FREM2: variants seen among roughly 807,000 people sequenced by gnomAD.
FREM2 encodes FRAS1 related extracellular matrix 2.
FREM2 carries 119 observed loss-of-function variants against 219.9 expected under a neutral mutation model. That is an observed-to-expected ratio of 0.54 (90% CI 0.47 to 0.63). FREM2 has a LOEUF of 0.63. Ranked by LOEUF, FREM2 falls within the 30% of genes least tolerant of loss-of-function variation. The pLI is 0.00. For synonymous variants in FREM2, 1,562 were observed against 1,522.8 expected, an observed-to-expected ratio of 1.03 and a Z score of -0.60; for missense variants, 4,030 against 3,993.6, an observed-to-expected ratio of 1.01 and a Z score of -0.25.
intron 4 of FREM2, among the ~76,000 whole-genome samples, chr13:38,778,500 C>T (rs756742380): frequency 6.6e-6 from 1 of 152,204 alleles, no homozygotes; most frequent in East Asian, 1.9e-4. Context: ...CTCCCAAAGG[C>T]TGCATCTCCT....
chr13:38,857,847 A>G, intron 12 of FREM2, 28 bp from the exon 13 acceptor site: 1 of 1,593,948 alleles, frequency 6.3e-7, no homozygotes, highest in South Asian at 1.1e-5. Flanking sequence ...TATTTCACTA[A>G]TCAGTGATAA....
chr13:38,769,583 G>C lies in FREM2; in HGVS notation c.5416G>C (p.Gly1806Arg). The stretch of plus-strand genomic sequence containing the variant: ...GATATTATGTTTTTGTGAAGGTATT[G>C]GCACAAGAGACAGAACTGCAGAAAA... ...YLGETSFISI[G>R]TRDRTAEKDK... is the part of the protein sequence containing the mutation. Residue 1806 changes from glycine to arginine, a missense_variant, in exon 4 of 24, where the codon GGC becomes CGC. Physicochemically the swap from Gly to Arg is moderately radical, Grantham distance 125. Coordinates refer to ENST00000280481, the MANE Select transcript of FREM2 (RefSeq NM_207361.6). 6.2e-7 allele frequency: 1 copy of C among 1,612,494 alleles called. No individual in the cohort carries two copies. Among genetic ancestry groups the C allele is most frequent in the Non-Finnish European group, 8.5e-7 (1 of 1,178,584 alleles).
chr13:38,796,203 C>T (rs1300344311), intron 6 of FREM2, among the ~76,000 whole-genome samples: 2 of 152,106 alleles, frequency 1.3e-5, no homozygotes, highest in African/African-American at 4.8e-5. Flanking sequence ...ACTGTTGGAG[C>T]TGGATATAGG....
intron 2 of FREM2, among the ~76,000 whole-genome samples, chr13:38,749,688 C>T (rs1016838329): frequency 3.9e-5 from 6 of 152,012 alleles, no homozygotes; most frequent in African/African-American, 1.4e-4. Flanking sequence ...CCCTTCACCC[C>T]CTCCCCAACT....
chr13:38,772,616 A>G (rs1056246058), intron 4 of FREM2, among the ~76,000 whole-genome samples: 1 of 152,096 alleles, frequency 6.6e-6, no homozygotes, highest in African/African-American at 2.4e-5. Flanking sequence ...TGTTTACAGG[A>G]GGCTTTCAAT....
intron 7 of FREM2, 88 bp downstream of exon 7, chr13:38,846,810 T>G: frequency 7.0e-7 from 1 of 1,435,690 alleles, no homozygotes; most frequent in Non-Finnish European, 9.8e-7. Flanking sequence ...AATACTTCAC[T>G]TCTATTAAAG....
chr13:38,790,053 C>G (rs1305762119), intron 6 of FREM2, among the ~76,000 whole-genome samples: 4 of 151,946 alleles, frequency 2.6e-5, no homozygotes, highest in Admixed American at 2.6e-4. Context: ...TTGCTAGGGT[C>G]GATTTCTATG....
Position 38,769,668 on chromosome 13 carries a change from G to C in FREM2, c.5501G>C (p.Arg1834Thr), listed in dbSNP as rs1304695395. 2 of 1,614,210 alleles carry C rather than the reference G, an allele frequency of 1.2e-6. No homozygotes were observed. The highest frequency in any genetic ancestry group is 2.2e-5 in the South Asian group (2 of 91,088). ...KQVQFNPGQT[R>T]ATWRVRILSD... ...GTGCAGTTCAACCCAGGCCAGACCA[G>C]GGCCACATGGCGAGTGCGGATCCTG... The change falls in exon 4 of 24, where the codon AGG becomes ACG. Residue 1834 changes from arginine to threonine, a missense_variant. By Grantham distance (71) the Arg-to-Thr change is moderately conservative (BLOSUM62 -1). This residue lies in a region of FREM2 where 3,102 missense variants were observed against 2,950.7 expected (regional missense o/e 1.05). Transcript: ENST00000280481.
At chr13:38,696,580 G>A (rs551535532) in intron 1 of FREM2, among the ~76,000 whole-genome samples, 1 of 152,204 alleles carries the variant, frequency 6.6e-6, no homozygotes, top group South Asian at 2.1e-4. Flanking sequence ...GATTGGCCCA[G>A]ATCAATTAAT....
At chr13:38,710,232 G>T (rs1304562160) in intron 2 of FREM2, among the ~76,000 whole-genome samples, 1 of 151,964 alleles carries the variant, frequency 6.6e-6, no homozygotes, top group South Asian at 2.1e-4. Flanking sequence ...AATGATATTG[G>T]TCACGGTGCT....
At chr13:38,733,303 C>T (rs115461583) in intron 2 of FREM2, among the ~76,000 whole-genome samples, 979 of 95,598 alleles carry the variant, frequency 0.01, 10 homozygotes, top group African/African-American at 0.036. Flanking sequence ...CTGTTGACTT[C>T]GGAGCCAGTG....
chr13:38,697,288 C>T (rs1350479757), intron 1 of FREM2, among the ~76,000 whole-genome samples: 1 of 152,142 alleles, frequency 6.6e-6, no homozygotes, highest in Non-Finnish European at 1.5e-5. Flanking sequence ...CTGTCCTCTG[C>T]GGGCCAGTTC....
chr13:38,877,026 A>G, intron 20 of FREM2, 91 bp from the exon 21 acceptor site: 1 of 1,377,416 alleles, frequency 7.3e-7, no homozygotes, highest in South Asian at 1.2e-5. Flanking sequence ...AGTGTTCTAC[A>G]GTGTACGGTG....
chr13:38,810,434 A>G (rs894413971), intron 6 of FREM2, among the ~76,000 whole-genome samples: 1 of 152,012 alleles, frequency 6.6e-6, no homozygotes, highest in African/African-American at 2.4e-5. Flanking sequence ...TTCCCCATTC[A>G]GTATGATGCT....
intron 2 of FREM2, among the ~76,000 whole-genome samples, chr13:38,701,005 T>C (rs558500752): frequency 4.6e-5 from 7 of 152,060 alleles, no homozygotes; most frequent in Non-Finnish European, 1.0e-4. Context: ...AAAACCTTTG[T>C]TTTCGGTTCA....
Position 38,878,193 on chromosome 13 carries a change from T to C in FREM2, c.8731T>C (p.Tyr2911His), listed in dbSNP as rs1458179379. Residue 2911 changes from tyrosine to histidine, a missense_variant, in exon 22 of 24, where the codon TAC becomes CAC. Coordinates refer to ENST00000280481, the MANE Select transcript of FREM2 (RefSeq NM_207361.6). ...TGTCCAGAATCTGGGTGACTCCTTT[T>C]ACTGCAGCATTGAGAAGGTGTTTCT... is the stretch of plus-strand genomic sequence containing the variant. ...DPVQNLGDSF[Y>H]CSIEKVFLCT... is the part of the protein sequence containing the mutation. 6.2e-7 allele frequency: 1 copy of C among 1,613,880 alleles called. No homozygotes were observed. Among genetic ancestry groups the C allele is most frequent in the South Asian group, 1.1e-5 (1 of 91,076 alleles).
intron 7 of FREM2, among the ~76,000 whole-genome samples, chr13:38,847,849 T>A (rs1260445728): frequency 1.1e-4 from 16 of 152,166 alleles, no homozygotes. Flanking sequence ...TAGATATAAG[T>A]GGAGGTATCA....
chr13:38,756,590 C>T (rs748979332), intron 2 of FREM2, among the ~76,000 whole-genome samples: 3 of 141,564 alleles, frequency 2.1e-5, no homozygotes, highest in Admixed American at 7.4e-5. Flanking sequence ...TGCAGTGGCG[C>T]GATCTTGGAT....
intron 2 of FREM2, among the ~76,000 whole-genome samples, chr13:38,750,285 C>G (rs1464942760): frequency 6.6e-5 from 10 of 152,020 alleles, no homozygotes; most frequent in Non-Finnish European, 1.5e-4. Context: ...CCGGTCTTTC[C>G]CTTGCTGTTC....
Sources: allele counts gnomAD v4.1 joint callset (sites outside exome capture counted in the v4.1 genomes callset), GRCh38; gene constraint gnomAD v4.1.1; regional missense constraint gnomAD v4.1.1; transcripts MANE v1.5; gene names NCBI Gene and HGNC (gene_info 2026-07-23, HGNC 2026-07-21).